The following GRHL2 variants were observed in gnomAD, a reference collection of about 807,000 sequenced individuals.
GRHL2 encodes grainyhead-like protein 2 homolog.
GRHL2 carries 21 observed loss-of-function variants against 83.8 expected under a neutral mutation model. The ratio of observed to expected loss-of-function variants is 0.25; its 90% CI spans 0.18 to 0.36. The LOEUF is 0.36. Among genes scored for constraint, GRHL2 ranks in the 10% least tolerant of loss-of-function variants. GRHL2 has a pLI of 1.00. For synonymous variants in GRHL2, 280 were observed against 278.9 expected (o/e 1.00, Z -0.04); for missense variants, 623 against 781.8 (o/e 0.80, Z 2.42).
Position 101,669,254 on chromosome 8 carries a change from C to CTTTTCTT in GRHL2, c.*2555_*2556insCTTTTTT, listed in dbSNP as rs77984682. ...GGACATGTGAAATGAGCATTTTTTT[C>CTTTTCTT]TTTTTTTTTTTTAACAAAGTCTGAA... On this transcript the variant is annotated 3_prime_UTR_variant, in exon 16 of 16. Transcript: ENST00000646743. The CTTTTCTT allele has an allele frequency of 3.2e-5, 4 of 126,626 alleles. No individual in the cohort carries two copies. The highest frequency in any genetic ancestry group is 8.7e-5 in the Admixed American group (1 of 11,488). 7.8% of individuals were successfully genotyped at this position (126,626 alleles called of 1,614,324 possible). A position where few individuals can be genotyped will look rare whatever the true frequency, so the allele number is the denominator to read the frequency against.
chr8:101,658,708 A>AC (rs1359541266), intron 14 of GRHL2, among the ~76,000 whole-genome samples: 4 of 152,226 alleles, frequency 2.6e-5, no homozygotes, highest in Non-Finnish European at 5.9e-5. Context: ...TTCTTTAGGA[A>AC]CAGGGGGAAC....
rs1049105059 is a variant in GRHL2 at position 101,667,180 on chromosome 8, G to A, written c.*477G>A. On this transcript the variant is annotated 3_prime_UTR_variant, in exon 16 of 16. Coordinates refer to ENST00000646743, the MANE Select transcript of GRHL2 (RefSeq NM_024915.4). ...GTAGTTATAGGTGGGGCAAGAGGTG[G>A]ATGCCCACTTTCTGGTCAGACACCT... 2 of 203,718 alleles carry A rather than the reference G, an allele frequency of 9.8e-6. No homozygotes were observed. The highest frequency in any genetic ancestry group is 2.0e-5 in the Non-Finnish European group (2 of 97,956). 12.6% of individuals were successfully genotyped at this position (203,718 alleles called of 1,614,324 possible). A position where few individuals can be genotyped will look rare whatever the true frequency, so the allele number is the denominator to read the frequency against.
chr8:101,650,219 G>A (rs992255549), intron 14 of GRHL2, among the ~76,000 whole-genome samples: 1 of 152,194 alleles, frequency 6.6e-6, no homozygotes, highest in African/African-American at 2.4e-5. Flanking sequence ...TGCTACATTG[G>A]AGCAGCATCT....
chr8:101,606,646 G>A (rs181748967), intron 8 of GRHL2, among the ~76,000 whole-genome samples: 97 of 152,328 alleles, frequency 6.4e-4, no homozygotes, highest in Non-Finnish European at 5.6e-4. Context: ...TGTGGCCTGG[G>A]TCATGGTGAC....
At chr8:101,536,606 T>C (rs1220533000) in intron 1 of GRHL2, among the ~76,000 whole-genome samples, 1 of 152,202 alleles carries the variant, frequency 6.6e-6, no homozygotes, top group East Asian at 1.9e-4. Context: ...AGCCAAGATT[T>C]GCACCCAGGC....
intron 6 of GRHL2, among the ~76,000 whole-genome samples, chr8:101,577,014 G>A (rs1811946173): frequency 6.6e-6 from 1 of 151,922 alleles, no homozygotes; most frequent in Admixed American, 6.6e-5. Flanking sequence ...TTTACAAATG[G>A]CATCACATTT....
intron 9 of GRHL2, among the ~76,000 whole-genome samples, chr8:101,627,755 C>T (rs1397549734): frequency 6.6e-6 from 1 of 152,124 alleles, no homozygotes; most frequent in Non-Finnish European, 1.5e-5. Context: ...AAAAGTGCTA[C>T]TCCAGTGAAC....
At chr8:101,507,570 A>G in intron 1 of GRHL2, among the ~76,000 whole-genome samples, 2 of 152,258 alleles carry the variant, frequency 1.3e-5, no homozygotes, top group Non-Finnish European at 2.9e-5. Context: ...TGAAAAGATA[A>G]GATAGTGATT....
At chr8:101,497,355 C>T (rs1810128850) in intron 1 of GRHL2, among the ~76,000 whole-genome samples, 1 of 152,224 alleles carries the variant, frequency 6.6e-6, no homozygotes, top group Admixed American at 6.5e-5. Flanking sequence ...TCCTCTTGCT[C>T]TTGTTCAGTT....
chr8:101,549,517 A>G (rs1196706600), intron 2 of GRHL2, among the ~76,000 whole-genome samples: 2 of 152,176 alleles, frequency 1.3e-5, no homozygotes, highest in Non-Finnish European at 2.9e-5. Flanking sequence ...GTCCAGGGGC[A>G]GGGGATGGGT....
intron 13 of GRHL2, among the ~76,000 whole-genome samples, chr8:101,647,445 A>G (rs1443770476): frequency 6.6e-6 from 1 of 152,120 alleles, no homozygotes; most frequent in African/African-American, 2.4e-5. Context: ...AGAATTGTAG[A>G]CTATTTATCT....
At chr8:101,661,813 A>T (rs1813928822) in intron 14 of GRHL2, among the ~76,000 whole-genome samples, 1 of 152,186 alleles carries the variant, frequency 6.6e-6, no homozygotes, top group East Asian at 1.9e-4. Context: ...GTAGTCTGTA[A>T]GAGTTCCTGT....
downstream of GRHL2, among the ~76,000 whole-genome samples, chr8:101,671,903 C>T (rs551894002): frequency 1.4e-4 from 21 of 152,188 alleles, no homozygotes; most frequent in East Asian, 7.7e-4. Context: ...CTACAGCCAC[C>T]GCTGTTCTGC....
At chr8:101,617,469 G>T (rs551353530) in intron 8 of GRHL2, among the ~76,000 whole-genome samples, 1 of 152,244 alleles carries the variant, frequency 6.6e-6, no homozygotes, top group South Asian at 2.1e-4. Flanking sequence ...ACTAGATCAG[G>T]TCTAGTAGTT....
the GRHL2 span, among the ~76,000 whole-genome samples, chr8:101,676,677 GAAATACCA>G: frequency 6.6e-6 from 1 of 152,134 alleles, no homozygotes; most frequent in Non-Finnish European, 1.5e-5. Flanking sequence ...TCTAGAACTA[GAAATACCA>G]TTTGACCCAG....
At chr8:101,679,208 AC>A in the GRHL2 span, among the ~76,000 whole-genome samples, 2 of 141,606 alleles carry the variant, frequency 1.4e-5, no homozygotes, top group African/African-American at 5.3e-5. Context: ...AACTAGAATA[AC>A]CAATACAGAG....
intron 9 of GRHL2, among the ~76,000 whole-genome samples, chr8:101,624,797 A>T (rs1813049282): frequency 6.6e-6 from 1 of 152,172 alleles, no homozygotes; most frequent in South Asian, 2.1e-4. Flanking sequence ...ATGGTGAAAT[A>T]TTGAAGGTAC....
intron 3 of GRHL2, among the ~76,000 whole-genome samples, chr8:101,555,886 A>G (rs1811479464): frequency 1.3e-5 from 2 of 152,214 alleles, no homozygotes; most frequent in Admixed American, 6.5e-5. Context: ...CCTGCTTGGT[A>G]CTTAGGCAAG....
chr8:101,663,439 C>T (rs988533482), intron 14 of GRHL2, among the ~76,000 whole-genome samples: 1 of 151,774 alleles, frequency 6.6e-6, no homozygotes, highest in African/African-American at 2.4e-5. Context: ...TGATGAAACC[C>T]CATCTCTACT....
Sources: gnomAD v4.1 joint callset for allele counts (sites outside exome capture counted in the v4.1 genomes callset) on GRCh38, gnomAD v4.1.1 for gene constraint, MANE v1.5 for transcripts, NCBI Gene and HGNC (gene_info 2026-07-23, HGNC 2026-07-21) for gene names.